Variants in CNTNAP4 observed in about 807,000 individuals in gnomAD.
The protein encoded by CNTNAP4 is contactin associated protein family member 4.
In CNTNAP4, 98 loss-of-function variants were observed where a neutral mutation model predicts 148.4. That is an observed-to-expected ratio of 0.66 (90% CI 0.56 to 0.78). The LOEUF (loss-of-function observed/expected upper bound fraction) is 0.78, where lower values mean the gene tolerates loss of function less well. Ranked by LOEUF, CNTNAP4 falls within the 30% of genes least tolerant of loss-of-function variation. CNTNAP4 has a pLI of 0.00. For missense variants in CNTNAP4, 1,935 were observed against 1,565.6 expected, an observed-to-expected ratio of 1.24 and a Z score of -3.98; for synonymous variants, 730 against 565.1, an observed-to-expected ratio of 1.29 and a Z score of -4.14.
At chr16:76,389,274 A>G (rs1031987034) in intron 3 of CNTNAP4, among the ~76,000 whole-genome samples, 2 of 152,200 alleles carry the variant, frequency 1.3e-5, no homozygotes, top group East Asian at 1.9e-4. Flanking sequence ...TGACTCATAC[A>G]CAGGCATGTA....
At position 76,448,830 on chromosome 16, in the gene CNTNAP4, A is replaced by G; in HGVS notation, c.806A>G (p.Asp269Gly). 6.2e-7 allele frequency: 1 copy of G among 1,612,734 alleles called. No individual in the cohort carries two copies. The highest frequency in any genetic ancestry group is 8.5e-7 in the Non-Finnish European group (1 of 1,179,502). ...CTCACCCTGGGCAGCCTGCTAGATG[A>G]TCAGCATTGGCATTCAGTGCTCATC... ...VNLTLGSLLD[D>G]QHWHSVLIQR... Residue 269 changes from aspartate to glycine, a missense_variant, in exon 6 of 24, where the codon GAT becomes GGT. Transcript: ENST00000611870.
intron 4 of CNTNAP4, among the ~76,000 whole-genome samples, chr16:76,437,716 C>T (rs2079882560): frequency 6.6e-6 from 1 of 152,020 alleles, no homozygotes; most frequent in Non-Finnish European, 1.5e-5. Context: ...TAACTTGAAC[C>T]TCCAGGTAAC....
At chr16:76,531,338 C>G (rs899924683) in intron 17 of CNTNAP4, among the ~76,000 whole-genome samples, 3 of 152,108 alleles carry the variant, frequency 2.0e-5, no homozygotes, top group Non-Finnish European at 4.4e-5. Flanking sequence ...ATAGTAATTT[C>G]CTGAGAATAA....
At chr16:76,457,405 C>T (rs1421678196) in intron 8 of CNTNAP4, among the ~76,000 whole-genome samples, 1 of 152,226 alleles carries the variant, frequency 6.6e-6, no homozygotes, top group East Asian at 1.9e-4. Context: ...GGTTCCCCCA[C>T]AAACATGGCA....
chr16:76,531,591 T>C (rs2083987809), intron 17 of CNTNAP4, among the ~76,000 whole-genome samples: 1 of 152,170 alleles, frequency 6.6e-6, no homozygotes, highest in African/African-American at 2.4e-5. Context: ...CCAAACGTAA[T>C]AGCTCAGTGG....
At chr16:76,287,365 C>T (rs562024101) in intron 1 of CNTNAP4, among the ~76,000 whole-genome samples, 5 of 152,260 alleles carry the variant, frequency 3.3e-5, no homozygotes, top group Non-Finnish European at 5.9e-5. Context: ...ACGCTTAACA[C>T]GCAAAACAGC....
chr16:76,445,839 T>C (rs191690363), intron 4 of CNTNAP4, among the ~76,000 whole-genome samples: 1 of 152,204 alleles, frequency 6.6e-6, no homozygotes, highest in African/African-American at 2.4e-5. Context: ...AACTCGGAGA[T>C]AACTGCATTG....
At chr16:76,397,206 G>A (rs1265215634) in intron 3 of CNTNAP4, among the ~76,000 whole-genome samples, 2 of 151,954 alleles carry the variant, frequency 1.3e-5, no homozygotes, top group Non-Finnish European at 2.9e-5. Flanking sequence ...AAAGGGCAGA[G>A]AACAGTTTCC....
intron 3 of CNTNAP4, among the ~76,000 whole-genome samples, chr16:76,369,016 G>A: frequency 6.7e-6 from 1 of 149,242 alleles, no homozygotes. Context: ...AAAAAATAAA[G>A]CCTTAGTTTT....
intron 9 of CNTNAP4, among the ~76,000 whole-genome samples, chr16:76,466,638 C>G (rs2081185151): frequency 6.6e-6 from 1 of 151,710 alleles, no homozygotes; most frequent in African/African-American, 2.4e-5. Flanking sequence ...CATTAGACCA[C>G]AGACAATAAT....
intron 3 of CNTNAP4, among the ~76,000 whole-genome samples, chr16:76,371,763 A>G (rs1234611705): frequency 6.6e-6 from 1 of 152,188 alleles, no homozygotes; most frequent in Non-Finnish European, 1.5e-5. Context: ...TCAGGTGTTT[A>G]ATTGTTGCTC....
At position 76,467,514 on chromosome 16, in the gene CNTNAP4, T is replaced by C. The variant is rs772886718; in HGVS notation, c.1646T>C (p.Ile549Thr). 17 of 1,609,422 alleles carry C rather than the reference T, an allele frequency of 1.1e-5. No homozygotes were observed. The South Asian group carries it at 1.8e-4, about 17-fold the overall frequency. Residue 549 changes from isoleucine to threonine, a missense_variant, in exon 10 of 24, where the codon ATC (isoleucine) becomes ACC (threonine). Physicochemically the swap from Ile to Thr is moderately conservative, Grantham distance 89. Coordinates refer to ENST00000611870, the MANE Select transcript of CNTNAP4 (RefSeq NM_033401.5). ...FSDLQIDSCG[I>T]SDRCLPNYCE... Reference sequence around the variant, plus strand: ...GACCTTCAGATAGACTCATGTGGCATCTCAGACAGGTAAGGGCAATCTCAC... The same window carrying C: ...GACCTTCAGATAGACTCATGTGGCACCTCAGACAGGTAAGGGCAATCTCAC...
chr16:76,553,021 C>G (rs1003687416), intron 21 of CNTNAP4, among the ~76,000 whole-genome samples: 1 of 152,150 alleles, frequency 6.6e-6, no homozygotes, highest in Non-Finnish European at 1.5e-5. Flanking sequence ...CTTAACCTGA[C>G]CCATTCTTAT....
chr16:76,473,588 A>G (rs2081447341), intron 10 of CNTNAP4, among the ~76,000 whole-genome samples: 1 of 152,122 alleles, frequency 6.6e-6, no homozygotes, highest in Admixed American at 6.5e-5. Flanking sequence ...CCTGGCTAAC[A>G]TGGTGAAGCC....
At chr16:76,327,968 C>T (rs139554533) in intron 2 of CNTNAP4, among the ~76,000 whole-genome samples, 1 of 152,278 alleles carries the variant, frequency 6.6e-6, no homozygotes, top group Non-Finnish European at 1.5e-5. Flanking sequence ...GTCACTTCTT[C>T]AATGTGAGTG....
intron 3 of CNTNAP4, among the ~76,000 whole-genome samples, chr16:76,376,195 A>T (rs1457688824): frequency 6.6e-6 from 1 of 152,218 alleles, no homozygotes; most frequent in Non-Finnish European, 1.5e-5. Context: ...AAATGCAAAA[A>T]AAATACAACT....
chr16:76,536,627 A>G (rs2084226465), intron 18 of CNTNAP4, among the ~76,000 whole-genome samples: 2 of 152,224 alleles, frequency 1.3e-5, no homozygotes, highest in African/African-American at 4.8e-5. Flanking sequence ...TCGATGCATT[A>G]CAAAAATAGA....
chr16:76,480,883 A>G (rs2081801679), intron 12 of CNTNAP4, among the ~76,000 whole-genome samples: 1 of 152,234 alleles, frequency 6.6e-6, no homozygotes, highest in Non-Finnish European at 1.5e-5. Flanking sequence ...ATTTTGGTGA[A>G]AATCAACAAG....
intron 15 of CNTNAP4, among the ~76,000 whole-genome samples, chr16:76,506,840 C>T (rs2143963522): frequency 1.0e-5 from 1 of 95,800 alleles, no homozygotes; most frequent in Admixed American, 1.0e-4. Context: ...GTAGTGCTGC[C>T]CCCAGCCAGT....
Sources: gnomAD v4.1 joint callset for allele counts (sites outside exome capture counted in the v4.1 genomes callset) on GRCh38, gnomAD v4.1.1 for gene constraint, MANE v1.5 for transcripts, NCBI Gene and HGNC (gene_info 2026-07-23, HGNC 2026-07-21) for gene names.